LRBA: variants seen among roughly 807,000 people sequenced by gnomAD.
The protein encoded by LRBA is LPS responsive beige-like anchor protein.
Under a neutral mutation model 330.0 loss-of-function variants are expected in LRBA, and 176 were observed. The observed-to-expected ratio is 0.53, with a 90% CI of 0.47 to 0.60. The LOEUF is 0.60. LRBA is among the 20% of genes least tolerant of loss of function. The pLI, the probability that LRBA is intolerant of heterozygous loss-of-function variation, is 0.00. For missense variants in LRBA, 3,259 were observed against 3,444.8 expected, an observed-to-expected ratio of 0.95 and a Z score of 1.35; for synonymous variants, 1,230 against 1,193.0, an observed-to-expected ratio of 1.03 and a Z score of -0.64.
At chr4:150,742,544 C>T (rs547212859) in intron 35 of LRBA, among the ~76,000 whole-genome samples, 1 of 152,206 alleles carries the variant, frequency 6.6e-6, no homozygotes, top group South Asian at 2.1e-4. Context: ...TCAACAATGA[C>T]ATGAACTTAC....
chr4:150,575,935 GTC>G (rs1172193238), intron 40 of LRBA, among the ~76,000 whole-genome samples: 3 of 151,660 alleles, frequency 2.0e-5, no homozygotes, highest in African/African-American at 7.3e-5. Context: ...TGGTTTTTCT[GTC>G]TACCTTCTGG....
At chr4:150,716,942 A>G (rs1728276859) in intron 36 of LRBA, among the ~76,000 whole-genome samples, 1 of 152,242 alleles carries the variant, frequency 6.6e-6, no homozygotes, top group Non-Finnish European at 1.5e-5. Flanking sequence ...AAGCTAAATC[A>G]CATTCTCTCA....
chr4:150,654,992 C>T (rs1022421414), intron 37 of LRBA, among the ~76,000 whole-genome samples: 4 of 151,882 alleles, frequency 2.6e-5, no homozygotes, highest in Admixed American at 2.0e-4. Context: ...TGAATAGTGC[C>T]GCAATAAACA....
chr4:150,862,539 G>A (rs946701531), intron 22 of LRBA, among the ~76,000 whole-genome samples: 3 of 152,108 alleles, frequency 2.0e-5, no homozygotes, highest in Admixed American at 6.5e-5. Flanking sequence ...TGGGGTGGGG[G>A]AGAGGGAAGG....
At position 150,852,740 on chromosome 4, in the gene LRBA, A is replaced by G. The variant is rs1750759757; in HGVS notation, c.2970T>C (p.Asn990=). Residue 990 remains asparagine (N), a synonymous_variant, in exon 23 of 57, where the codon AAT becomes AAC. Transcript: ENST00000651943. ...TTGTCTTCTCTATACTTGAATTTTC[A>G]TTACCATTTGTGGTGAAATGAGGAC... ...PVCPHFTTNG[N]ENSSIEKTSS... 6 of 1,613,872 alleles carry G rather than the reference A, an allele frequency of 3.7e-6. No homozygotes were observed. The highest frequency in any genetic ancestry group is 5.1e-6 in the Non-Finnish European group (6 of 1,179,862).
intron 42 of LRBA, among the ~76,000 whole-genome samples, chr4:150,480,185 C>T (rs1468766021): frequency 1.3e-5 from 2 of 152,130 alleles, no homozygotes; most frequent in African/African-American, 4.8e-5. Flanking sequence ...AATTATGCTA[C>T]TTCAATGTAG....
At chr4:150,575,908 T>C (rs1025361173) in intron 40 of LRBA, among the ~76,000 whole-genome samples, 18 of 151,900 alleles carry the variant, frequency 1.2e-4, no homozygotes, top group African/African-American at 4.1e-4. Flanking sequence ...ACACTTAAAT[T>C]CATTATTATC....
chr4:150,402,618 A>G (rs1745643898), intron 47 of LRBA, among the ~76,000 whole-genome samples: 1 of 152,076 alleles, frequency 6.6e-6, no homozygotes, highest in African/African-American at 2.4e-5. Flanking sequence ...GTAGCTTAAC[A>G]TTTATTTAGA....
intron 40 of LRBA, among the ~76,000 whole-genome samples, chr4:150,558,066 T>A (rs1032700750): frequency 6.6e-6 from 1 of 152,018 alleles, no homozygotes; most frequent in East Asian, 1.9e-4. Context: ...ACCAGCTAAT[T>A]TTTGTTATTT....
At chr4:150,344,732 G>C (rs1035660162) in intron 48 of LRBA, among the ~76,000 whole-genome samples, 1 of 152,068 alleles carries the variant, frequency 6.6e-6, no homozygotes, top group Non-Finnish European at 1.5e-5. Flanking sequence ...TCATCTTTTT[G>C]TAGAGATGAA....
chr4:150,488,889 A>G (rs980710739), intron 41 of LRBA, among the ~76,000 whole-genome samples: 3 of 144,452 alleles, frequency 2.1e-5, no homozygotes, highest in Non-Finnish European at 1.5e-5. Flanking sequence ...GTCATAATAT[A>G]TACACACACA....
chr4:150,962,593 T>C (rs1262825397), intron 2 of LRBA, among the ~76,000 whole-genome samples: 1 of 149,048 alleles, frequency 6.7e-6, no homozygotes, highest in Non-Finnish European at 1.5e-5. Context: ...AGAAAAGCCT[T>C]TCTATGTATG....
chr4:150,415,407 T>C, intron 47 of LRBA, 31 bp downstream of exon 47: 17 of 1,603,404 alleles, frequency 1.1e-5, no homozygotes, highest in Non-Finnish European at 1.3e-5. Flanking sequence ...CAAAAGCTCA[T>C]GACAGACAGA....
intron 2 of LRBA, among the ~76,000 whole-genome samples, chr4:150,973,446 C>T (rs1206353973): frequency 2.0e-5 from 3 of 152,194 alleles, no homozygotes; most frequent in East Asian, 1.9e-4. Context: ...GTATTACAGG[C>T]GTGAGCTACC....
rs934229066 is a variant in LRBA at position 150,996,352 on chromosome 4, A to G, written c.216+18075T>C. Among the ~76,000 whole-genome samples the G allele has an allele frequency of 1.3e-5, 2 of 152,136 alleles. 1 individual carries two copies. Among genetic ancestry groups the G allele is most frequent in the African/African-American group, 4.8e-5 (2 of 41,454 alleles). On this transcript the variant is annotated intron_variant, in intron 2 of 56. Coordinates refer to ENST00000651943, the MANE Select transcript of LRBA (RefSeq NM_001364905.1). ...ACTACTCTGATTTTTCTTTTCTTCC[A>G]TATTCCTACCCTCAGACTAAGGTAT...
At chr4:150,864,618 A>G (rs960103371) in intron 22 of LRBA, among the ~76,000 whole-genome samples, 5 of 149,238 alleles carry the variant, frequency 3.4e-5, no homozygotes, top group African/African-American at 1.2e-4. Flanking sequence ...CACAGACCCC[A>G]TGAAAAGCTC....
intron 2 of LRBA, among the ~76,000 whole-genome samples, chr4:151,003,203 T>C (rs1446347685): frequency 1.3e-5 from 2 of 151,928 alleles, no homozygotes; most frequent in African/African-American, 2.4e-5. Context: ...CAGATCAGCC[T>C]AGCCAACATG....
chr4:150,722,597 T>C (rs999085307), intron 36 of LRBA, among the ~76,000 whole-genome samples: 2 of 151,048 alleles, frequency 1.3e-5, no homozygotes, highest in African/African-American at 2.4e-5. Flanking sequence ...CATAAGAGAG[T>C]GTGAATTGAC....
At chr4:150,954,509 G>A (rs1403282112) in intron 2 of LRBA, among the ~76,000 whole-genome samples, 1 of 151,600 alleles carries the variant, frequency 6.6e-6, no homozygotes, top group Non-Finnish European at 1.5e-5. Flanking sequence ...GTCCACTAAG[G>A]GTTAAATGGA....
Sources: allele counts gnomAD v4.1 joint callset (sites outside exome capture counted in the v4.1 genomes callset), GRCh38; gene constraint gnomAD v4.1.1; transcripts MANE v1.5; gene names NCBI Gene and HGNC (gene_info 2026-07-23, HGNC 2026-07-21).